Variants in SAMHD1 observed in about 807,000 individuals in gnomAD.
The protein encoded by SAMHD1 is SAM and HD domain containing deoxynucleoside triphosphate triphosphohydrolase 1, also known as deoxynucleoside triphosphate triphosphohydrolase SAMHD1.
SAMHD1 carries 54 observed loss-of-function variants against 79.6 expected under a neutral mutation model. The observed-to-expected ratio is 0.68, with a 90% confidence interval of 0.55 to 0.85. The LOEUF (loss-of-function observed/expected upper bound fraction) is 0.85. SAMHD1 is among the 40% of genes least tolerant of loss of function. The pLI is 0.00. For missense variants in SAMHD1, 663 were observed against 782.7 expected, an observed-to-expected ratio of 0.85 and a Z score of 1.82; for synonymous variants, 260 against 264.1, an observed-to-expected ratio of 0.98 and a Z score of 0.15.
chr20:36,901,005 TAG>T (rs1990295542), intron 13 of SAMHD1, among the ~76,000 whole-genome samples: 1 of 151,708 alleles, frequency 6.6e-6, no homozygotes, highest in Admixed American at 6.6e-5. Context: ...CCCATGAAAA[TAG>T]ACAGTTATCA....
intron 3 of SAMHD1, among the ~76,000 whole-genome samples, chr20:36,937,764 T>C (rs2063613756): frequency 6.6e-6 from 1 of 152,206 alleles, no homozygotes; most frequent in Non-Finnish European, 1.5e-5. Context: ...ATTTAAGGTA[T>C]TGATTTCATT....
At chr20:36,935,790 C>T (rs551375440) in intron 3 of SAMHD1, among the ~76,000 whole-genome samples, 4 of 152,140 alleles carry the variant, frequency 2.6e-5, no homozygotes, top group East Asian at 3.9e-4. Context: ...AGGCTGGCCG[C>T]GAACTCCTGA....
chr20:36,893,026 T>C lies in SAMHD1; in HGVS notation c.1787A>G (p.Lys596Arg). The change falls in exon 16 of 16, where the codon AAG becomes AGG. Residue 596 changes from lysine to arginine, a missense_variant. Transcript: ENST00000646673. The part of the protein sequence containing the change: ...VIAPLITPQK[K>R]EWNDSTSVQN... ...GACTGAAGTACTGTCGTTCCATTCC[T>C]TTTTTTGAGGTGTTATGAGTGGGGC... The C allele has an allele frequency of 1.2e-6, 2 of 1,613,728 alleles. No individual in the cohort carries two copies. Among genetic ancestry groups the C allele is most frequent in the Non-Finnish European group, 1.7e-6 (2 of 1,179,802 alleles).
intron 15 of SAMHD1, among the ~76,000 whole-genome samples, chr20:36,897,360 C>T (rs1933869979): frequency 6.6e-6 from 1 of 152,196 alleles, no homozygotes; most frequent in Non-Finnish European, 1.5e-5. Context: ...ACAGGGTTGG[C>T]AACTGTGGCT....
intron 8 of SAMHD1, 56 bp downstream of exon 8, chr20:36,916,893 A>C: frequency 6.4e-7 from 1 of 1,567,236 alleles, no homozygotes; most frequent in Non-Finnish European, 8.8e-7. Context: ...CTTAAATAGT[A>C]ATACTAAATT....
At position 36,898,555 on chromosome 20, in the gene SAMHD1, G is replaced by A. The variant is rs540159120; in HGVS notation, c.1504-11C>T. The A allele has an allele frequency of 3.1e-5, 50 of 1,593,736 alleles. No homozygotes were observed. Among genetic ancestry groups the A allele is most frequent in the Non-Finnish European group, 4.1e-5 (48 of 1,161,988 alleles). ...ATCCATGTTGATAACCTAAATAAAA[G>A]CAATTCACAAGTAATCATATAGCAA... On this transcript the variant is annotated splice_polypyrimidine_tract_variant and intron_variant, in intron 13 of 15. Transcript: ENST00000646673.
rs767239521 is a variant in SAMHD1 at position 36,911,290 on chromosome 20, T to C, written c.1198A>G (p.Thr400Ala). The change falls in exon 11 of 16, where the codon ACA (threonine) becomes GCA (alanine). Residue 400 changes from threonine (T) to alanine (A), a missense_variant. Physicochemically the swap from Thr to Ala is moderately conservative, Grantham distance 58. Transcript: ENST00000646673. ...CGATACTTTTTTCCTCCAGCACCTG[T>C]AATCTCTATGTAGTCATCTGCTTTG... Reference protein sequence around the residue: ...FLKADDYIEITGAGGKKYRIS... With the variant: ...FLKADDYIEIAGAGGKKYRIS... 1.2e-6 allele frequency: 2 copies of C among 1,613,008 alleles called. No individual in the cohort carries two copies. Among genetic ancestry groups the C allele is most frequent in the South Asian group, 2.2e-5 (2 of 91,082 alleles).
At position 36,890,414 on chromosome 20, in the gene SAMHD1, C is replaced by CTTTCTTTCTTTCTTTCTTTCT. The variant is rs1555830169; in HGVS notation, c.*2517_*2518insAGAAAGAAAGAAAGAAAGAAA. On this transcript the variant is annotated 3_prime_UTR_variant, in exon 16 of 16. Coordinates refer to ENST00000646673, the MANE Select transcript of SAMHD1 (RefSeq NM_015474.4). ...TTTCTTTCTCTTTCTTTCTTTCTTT[C>CTTTCTTTCTTTCTTTCTTTCT]TTTCTTTTCTTTCTCTCTTTCCTTC... 4.7e-5 allele frequency: 7 copies of CTTTCTTTCTTTCTTTCTTTCT among 150,104 alleles called. No individual in the cohort carries two copies. The East Asian group carries it at 9.9e-4, about 21-fold the overall frequency. The allele number at this position is 150,104 out of a possible 1,614,324, so 9.3% of individuals were successfully genotyped here.
intron 1 of SAMHD1, among the ~76,000 whole-genome samples, chr20:36,948,466 TGG>T (rs1399576999): frequency 9.2e-5 from 14 of 151,898 alleles, no homozygotes; most frequent in Non-Finnish European, 1.8e-4. Flanking sequence ...TTGGCCAGGC[TGG>T]GCTTGAATTC....
In SAMHD1 at chr20:36,917,120, A is replaced by G. The variant is rs2063481127; in HGVS notation, c.853-71T>C. The G allele has an allele frequency of 1.1e-5, 10 of 943,550 alleles. No homozygotes were observed. The South Asian group carries it at 1.3e-4, about 13-fold the overall frequency. 58.4% of individuals were successfully genotyped at this position (943,550 alleles called of 1,614,324 possible). A position where few individuals can be genotyped will look rare whatever the true frequency, so the allele number is the denominator to read the frequency against. ...ATCTATTTATAAACAAAGCAAAGCA[A>G]TTTTATTAATCTGTAAAATATAAAC... On this transcript the variant is annotated intron_variant, in intron 7 of 15. Coordinates refer to ENST00000646673, the MANE Select transcript of SAMHD1 (RefSeq NM_015474.4).
intron 3 of SAMHD1, chr20:36,935,459 A>C (rs1049689571): frequency 2.7e-5 from 12 of 451,696 alleles, no homozygotes; most frequent in African/African-American, 2.0e-4. Flanking sequence ...TATGTATATG[A>C]CTTAGTCTTT....
intron 13 of SAMHD1, among the ~76,000 whole-genome samples, chr20:36,901,814 T>G (rs1990311639): frequency 6.6e-6 from 1 of 152,214 alleles, no homozygotes; most frequent in African/African-American, 2.4e-5. Flanking sequence ...TGTTAAGTGC[T>G]CAACAGCTGC....
intron 1 of SAMHD1, among the ~76,000 whole-genome samples, chr20:36,948,712 C>CAA (rs1369486209): frequency 2.9e-5 from 4 of 138,922 alleles, no homozygotes; most frequent in African/African-American, 7.9e-5. Flanking sequence ...ACTAAAAATA[C>CAA]AAAAATTAGC....
At chr20:36,898,245 C>G (rs1199586566) in intron 14 of SAMHD1, among the ~76,000 whole-genome samples, 195 bp downstream of exon 14, 1 of 152,132 alleles carries the variant, frequency 6.6e-6, no homozygotes, top group Non-Finnish European at 1.5e-5. Context: ...CCAGGCTGAT[C>G]TTAAGCTCTT....
At chr20:36,921,408 A>AC (rs1391043915) in intron 6 of SAMHD1, among the ~76,000 whole-genome samples, 1 of 151,708 alleles carries the variant, frequency 6.6e-6, no homozygotes, top group Admixed American at 6.6e-5. Context: ...AAAAAAAAAA[A>AC]AAAACGAATT....
chr20:36,949,492 C>A (rs1394332597), intron 1 of SAMHD1, among the ~76,000 whole-genome samples: 1 of 149,132 alleles, frequency 6.7e-6, no homozygotes, highest in Non-Finnish European at 1.5e-5. Context: ...CGCGGTGGCT[C>A]ACGCCTGTAA....
intron 15 of SAMHD1, 54 bp downstream of exon 15, chr20:36,897,768 T>G: frequency 6.2e-7 from 1 of 1,610,854 alleles, no homozygotes; most frequent in Non-Finnish European, 8.5e-7. Context: ...TTACTTTTGG[T>G]TTTTACTTAA....
chr20:36,921,940 T>G (rs2063508566), intron 6 of SAMHD1, among the ~76,000 whole-genome samples: 1 of 152,126 alleles, frequency 6.6e-6, no homozygotes, highest in African/African-American at 2.4e-5. Context: ...CCACCCACCT[T>G]GGCCTCCCAA....
rs2063543661 is a variant in SAMHD1 at position 36,927,375 on chromosome 20, T to C, written c.626-123A>G. On this transcript the variant is annotated intron_variant, in intron 5 of 15. Transcript: ENST00000646673. ...TCTTGTTGCCCAGGCTGGAGTGTAG[T>C]GGTACAATCTTGGCTCAACACAATC... The C allele has an allele frequency of 3.8e-6, 3 of 785,736 alleles. No individual in the cohort carries two copies. The South Asian group carries it at 4.5e-5, about 12-fold the overall frequency. 48.7% of individuals were successfully genotyped at this position (785,736 alleles called of 1,614,324 possible).
Sources: allele counts gnomAD v4.1 joint callset (sites outside exome capture counted in the v4.1 genomes callset), GRCh38; gene constraint gnomAD v4.1.1; transcripts MANE v1.5; gene names NCBI Gene and HGNC (gene_info 2026-07-23, HGNC 2026-07-21).